Variants in FAM151B observed in about 807,000 individuals in gnomAD.
The protein encoded by FAM151B is protein FAM151B.
FAM151B carries 24 observed loss-of-function variants against 31.2 expected under a neutral mutation model. That is an observed-to-expected ratio of 0.77 (90% CI 0.56 to 1.08). The LOEUF (loss-of-function observed/expected upper bound fraction) is 1.08. FAM151B is among the 50% of genes least tolerant of loss of function. The pLI is 0.00. For missense variants in FAM151B, 293 were observed against 328.6 expected (o/e 0.89, Z 0.84); for synonymous variants, 105 against 111.4 (o/e 0.94, Z 0.36).
At chr5:80,508,469 C>G (rs780969706) in intron 2 of FAM151B, among the ~76,000 whole-genome samples, 1 of 151,804 alleles carries the variant, frequency 6.6e-6, no homozygotes, top group Non-Finnish European at 1.5e-5. Context: ...TTATAGCCAG[C>G]TAAGTGTATA....
At position 80,527,909 on chromosome 5, in the gene FAM151B, T is replaced by A. The variant is rs144871660; in HGVS notation, c.671+5771T>A. Among the ~76,000 whole-genome samples the A allele has an allele frequency of 5.2e-3, 798 of 152,330 alleles. 5 individuals carry two copies. Among genetic ancestry groups the A allele is most frequent in the African/African-American group, 0.018 (751 of 41,580 alleles). ...ACTTTATAAGCTTTTTCTAAACAAA[T>A]CTTTTTGACTCTTTAGCAATAACAC... is the stretch of plus-strand genomic sequence containing the variant. On this transcript the variant is annotated intron_variant, in intron 5 of 5. Coordinates refer to ENST00000282226, the MANE Select transcript of FAM151B (RefSeq NM_205548.3).
intron 2 of FAM151B, among the ~76,000 whole-genome samples, chr5:80,504,407 C>G (rs1027753663): frequency 2.0e-5 from 3 of 151,364 alleles, no homozygotes; most frequent in Admixed American, 2.0e-4. Context: ...TGTAGGAGAC[C>G]TTAGGAACAT....
intron 5 of FAM151B, among the ~76,000 whole-genome samples, chr5:80,529,046 C>G (rs1177323460): frequency 1.3e-5 from 2 of 152,118 alleles, no homozygotes; most frequent in Admixed American, 1.3e-4. Flanking sequence ...TCTCTGAGAC[C>G]ACAGTGCAAT....
chr5:80,533,149 G>A (rs1195727303), intron 5 of FAM151B, among the ~76,000 whole-genome samples: 1 of 148,482 alleles, frequency 6.7e-6, no homozygotes, highest in East Asian at 2.1e-4. Context: ...AGGCTGACGC[G>A]GGTGGATCAC....
At chr5:80,494,018 CT>C (rs1743410771) in intron 1 of FAM151B, among the ~76,000 whole-genome samples, 1 of 152,176 alleles carries the variant, frequency 6.6e-6, no homozygotes, top group Admixed American at 6.5e-5. Context: ...TAAAATTTCT[CT>C]CTTTGTACTC....
chr5:80,540,797 CA>C (rs1388127230), intron 5 of FAM151B, among the ~76,000 whole-genome samples: 1 of 152,114 alleles, frequency 6.6e-6, no homozygotes, highest in Non-Finnish European at 1.5e-5. Flanking sequence ...GGGCAATATC[CA>C]AATTACTTTC....
chr5:80,529,058 A>G (rs886320145), intron 5 of FAM151B, among the ~76,000 whole-genome samples: 8 of 152,208 alleles, frequency 5.3e-5, no homozygotes, highest in Non-Finnish European at 1.0e-4. Context: ...CAGTGCAATC[A>G]AACTACAACT....
chr5:80,534,258 A>G (rs1745391380), intron 5 of FAM151B, among the ~76,000 whole-genome samples: 2 of 152,164 alleles, frequency 1.3e-5, no homozygotes, highest in African/African-American at 4.8e-5. Context: ...CTCATTCTAC[A>G]AGGCCAGCAT....
At chr5:80,519,973 A>T in intron 4 of FAM151B, 63 bp downstream of exon 4, 1 of 1,464,742 alleles carries the variant, frequency 6.8e-7, no homozygotes. Flanking sequence ...TAAAAATAAC[A>T]TCTTTAATAC....
intron 1 of FAM151B, among the ~76,000 whole-genome samples, chr5:80,489,007 CTCTT>C (rs1424278845): frequency 6.6e-6 from 1 of 152,150 alleles, no homozygotes; most frequent in Non-Finnish European, 1.5e-5. Flanking sequence ...ACAACCCTGA[CTCTT>C]AAAAATAGAG....
chr5:80,491,328 G>A (rs753780847), intron 1 of FAM151B, among the ~76,000 whole-genome samples: 5 of 151,990 alleles, frequency 3.3e-5, no homozygotes, highest in Non-Finnish European at 7.4e-5. Context: ...TGATCCTCCT[G>A]CCTCAGCCTC....
intron 1 of FAM151B, chr5:80,500,691 C>G (rs1743708703): frequency 1.3e-6 from 1 of 798,030 alleles, no homozygotes; most frequent in African/African-American, 1.7e-5. Context: ...TTCAGTGGAA[C>G]CTTTGTGAAG....
intron 2 of FAM151B, among the ~76,000 whole-genome samples, chr5:80,511,407 C>G (rs249009): frequency 0.65 from 88,397 of 135,028 alleles, 29,491 homozygotes; most frequent in African/African-American, 0.86. Flanking sequence ...CCAAGAGTTT[C>G]AGGTTGCAAT....
intron 3 of FAM151B, among the ~76,000 whole-genome samples, chr5:80,515,542 T>C (rs191666366): frequency 1.5e-3 from 222 of 152,322 alleles, no homozygotes; most frequent in Non-Finnish European, 2.5e-3. Context: ...CTTGAATTGT[T>C]TCCTGGGACA....
At chr5:80,533,919 A>C (rs1745370722) in intron 5 of FAM151B, among the ~76,000 whole-genome samples, 1 of 152,130 alleles carries the variant, frequency 6.6e-6, no homozygotes, top group Non-Finnish European at 1.5e-5. Context: ...GATATGAAAA[A>C]GGAGACATTA....
At chr5:80,533,570 G>A (rs913439281) in intron 5 of FAM151B, among the ~76,000 whole-genome samples, 3 of 151,538 alleles carry the variant, frequency 2.0e-5, no homozygotes, top group African/African-American at 7.3e-5. Flanking sequence ...TGACCAACAA[G>A]GCGAAACCCT....
At chr5:80,500,300 A>G in intron 1 of FAM151B, 1 of 743,148 alleles carries the variant, frequency 1.3e-6, no homozygotes, top group Admixed American at 1.8e-5. Context: ...GATATATAAG[A>G]TGAGCAAGTT....
chr5:80,518,027 G>A (rs981240939), intron 3 of FAM151B, among the ~76,000 whole-genome samples: 5 of 148,064 alleles, frequency 3.4e-5, no homozygotes, highest in Admixed American at 1.4e-4. Context: ...AGCAGAGATC[G>A]CACCGTTGCA....
chr5:80,510,387 C>T (rs554730531), intron 2 of FAM151B, among the ~76,000 whole-genome samples: 1 of 152,314 alleles, frequency 6.6e-6, no homozygotes, highest in Non-Finnish European at 1.5e-5. Flanking sequence ...GCATGAATGT[C>T]TTTACATGGT....
Sources: gnomAD v4.1 joint callset for allele counts (sites outside exome capture counted in the v4.1 genomes callset) on GRCh38, gnomAD v4.1.1 for gene constraint, MANE v1.5 for transcripts, NCBI Gene and HGNC (gene_info 2026-07-23, HGNC 2026-07-21) for gene names.